STXBP2: variants seen among roughly 807,000 people sequenced by gnomAD.
STXBP2 encodes syntaxin binding protein 2, also known as syntaxin-binding protein 2.
In STXBP2, 47 loss-of-function variants were observed where a neutral mutation model predicts 72.2. The observed-to-expected ratio is 0.65, with a 90% confidence interval of 0.51 to 0.83. STXBP2 has a LOEUF of 0.83. STXBP2 is among the 40% of genes least tolerant of loss of function. STXBP2 has a pLI of 0.00. For synonymous variants in STXBP2, 367 were observed against 338.7 expected, an observed-to-expected ratio of 1.08 and a Z score of -0.92; for missense variants, 702 against 807.6, an observed-to-expected ratio of 0.87 and a Z score of 1.58.
Position 7,647,001 on chromosome 19 carries a change from A to G in STXBP2, c.1453-161A>G, listed in dbSNP as rs11882172. ...ATGGATCTAGATTTCTAGGTCCCCA[A>G]TGGACTAGAGGCCTAGACTCCTGGG... is the stretch of plus-strand genomic sequence containing the variant. On this transcript the variant is annotated intron_variant, in intron 16 of 18. Coordinates refer to ENST00000221283, the MANE Select transcript of STXBP2 (RefSeq NM_006949.4). 218 of 663,406 alleles carry G rather than the reference A, an allele frequency of 3.3e-4. 1 individual carries two copies. Among genetic ancestry groups the G allele is most frequent in the African/African-American group, 2.3e-3 (125 of 55,180 alleles). 41.1% of individuals were successfully genotyped at this position (663,406 alleles called of 1,614,324 possible).
chr19:7,636,826 C>A (rs1426448886), upstream of STXBP2: 1 of 311,328 alleles, frequency 3.2e-6, no homozygotes, highest in Non-Finnish European at 5.9e-6. Context: ...CACAGAACCT[C>A]CCGGGGAAGA....
chr19:7,639,047 G>A lies in STXBP2; in HGVS notation c.116G>A (p.Arg39His), dbSNP rs200306463. Residue 39 changes from arginine (R) to histidine (H), a missense_variant, in exon 3 of 19, where the codon CGC becomes CAC. Arg to His is a conservative substitution (Grantham distance 29). Coordinates refer to ENST00000221283, the MANE Select transcript of STXBP2 (RefSeq NM_006949.4). ...CTTATCATGGATCACCCAAGCATGC[G>A]CATCTTGTCTTCCTGCTGCAAAATG... ...KVLIMDHPSM[R>H]ILSSCCKMSD... is the part of the protein sequence containing the mutation. 4.4e-5 allele frequency: 71 copies of A among 1,614,230 alleles called. 1 individual carries two copies. The highest frequency in any genetic ancestry group is 3.0e-4 in the South Asian group (27 of 91,090).
upstream of STXBP2, among the ~76,000 whole-genome samples, chr19:7,634,586 T>C (rs1288206155): frequency 6.6e-6 from 1 of 152,246 alleles, no homozygotes; most frequent in Non-Finnish European, 1.5e-5. Flanking sequence ...CCCAGGCTAG[T>C]CTCAAACTCC....
upstream of STXBP2, among the ~76,000 whole-genome samples, chr19:7,635,421 G>C (rs763715088): frequency 1.3e-5 from 2 of 152,240 alleles, no homozygotes; most frequent in Non-Finnish European, 2.9e-5. Flanking sequence ...GGGGCAGGGT[G>C]CGGTGGCTCA....
At chr19:7,631,410 G>GGGGGGGGGGGGGGGGGGGGGGGGGGGGGT in the STXBP2 span, 1 of 821,212 alleles carries the variant, frequency 1.2e-6, no homozygotes, top group Non-Finnish European at 1.8e-6. Context: ...GGGGGGGGGT[G>GGGGGGGGGGGGGGGGGGGGGGGGGGGGGT]GTCCCGGCTC....
chr19:7,646,360 T>G lies in STXBP2; in HGVS notation c.1452+16T>G, dbSNP rs1599406652. 6.3e-7 allele frequency: 1 copy of G among 1,592,010 alleles called. No individual in the cohort carries two copies. Among genetic ancestry groups the G allele is most frequent in the Non-Finnish European group, 8.5e-7 (1 of 1,169,770 alleles). Reference sequence around the variant, plus strand: ...TGTAATGGAGGTACTGGGTGGCAGGTCAGGGTGGGGGCCAGCCCTCCGCAT... The same window carrying G: ...TGTAATGGAGGTACTGGGTGGCAGGGCAGGGTGGGGGCCAGCCCTCCGCAT... On this transcript the variant is annotated intron_variant, in intron 16 of 18. Transcript: ENST00000221283.
intron 4 of STXBP2, chr19:7,640,394 G>T (rs1458235665): frequency 3.4e-6 from 2 of 588,162 alleles, no homozygotes; most frequent in South Asian, 1.6e-5. Flanking sequence ...GTGTCTGCAT[G>T]TGTGTATATG....
At chr19:7,634,205 G>A (rs927339653), upstream of STXBP2, among the ~76,000 whole-genome samples, 21 of 152,202 alleles carry the variant, frequency 1.4e-4, no homozygotes, top group African/African-American at 4.8e-4. Context: ...ACAGAGGCAG[G>A]CGGGGAGAGG....
At chr19:7,645,336 T>C (rs1199790896) in intron 15 of STXBP2, 30 bp downstream of exon 15, 9 of 1,549,202 alleles carry the variant, frequency 5.8e-6, no homozygotes, top group Non-Finnish European at 7.9e-6. Flanking sequence ...GGGGGGACCC[T>C]GGGAGAGGGT....
At chr19:7,638,931 T>C in intron 2 of STXBP2, 88 bp from the exon 3 acceptor site, 1 of 1,578,686 alleles carries the variant, frequency 6.3e-7, no homozygotes, top group Non-Finnish European at 8.7e-7. Flanking sequence ...CCCTTGAAAC[T>C]GCCCCTCCCA....
chr19:7,639,481 G>T (rs1327201923), intron 3 of STXBP2: 2 of 589,300 alleles, frequency 3.4e-6, no homozygotes, highest in Non-Finnish European at 6.1e-6. Flanking sequence ...AGGGATAGGT[G>T]CTGAGGGAGC....
upstream of STXBP2, chr19:7,632,646 A>G: frequency 1.9e-6 from 3 of 1,564,894 alleles, no homozygotes; most frequent in Non-Finnish European, 2.6e-6. This position sits in a 1 kb window ranked among gnomAD's most constrained non-coding sequence, Gnocchi z 5.2. Flanking sequence ...CAGGCCCTCC[A>G]GATGACCACT....
upstream of STXBP2, chr19:7,632,062 A>G (rs2146195468): frequency 9.4e-6 from 5 of 533,514 alleles, no homozygotes; most frequent in Non-Finnish European, 1.6e-5. This position sits in a 1 kb window ranked among gnomAD's most constrained non-coding sequence, Gnocchi z 5.2. Context: ...GAGTATACAG[A>G]TGTATATATC....
rs778509701 is a variant in STXBP2, at chr19:7,641,008, G to A, written c.429+5G>A. 1.6e-5 allele frequency: 26 copies of A among 1,613,938 alleles called. No homozygotes were observed. The East Asian group carries it at 2.9e-4, about 18-fold the overall frequency. ...TTCCTCCCCTACGAGGCCCAGGTAC[G>A]GCCCGGGCTCATCCTGGGCAGGGGG... On this transcript the variant is annotated splice_donor_5th_base_variant and intron_variant, in intron 6 of 18. Coordinates refer to ENST00000221283, the MANE Select transcript of STXBP2 (RefSeq NM_006949.4).
chr19:7,647,265 C>G lies in STXBP2; in HGVS notation c.1538+18C>G. The G allele has an allele frequency of 6.2e-7, 1 of 1,610,366 alleles. No individual in the cohort carries two copies. On this transcript the variant is annotated intron_variant, in intron 17 of 18. Coordinates refer to ENST00000221283, the MANE Select transcript of STXBP2 (RefSeq NM_006949.4). ...GCTGTCAGGTGAGGCCCCGGGGCCGCCCCCGCCCACGCCTGGGTCTGTGTT... is the reference window on the plus strand; with the variant it reads ...GCTGTCAGGTGAGGCCCCGGGGCCGGCCCCGCCCACGCCTGGGTCTGTGTT...
upstream of STXBP2, chr19:7,633,738 G>A (rs1307727896): frequency 8.0e-5 from 39 of 490,370 alleles, no homozygotes; most frequent in Non-Finnish European, 9.8e-5. Flanking sequence ...GGGACTCTCA[G>A]GTGTGATGTC....
chr19:7,630,520 C>CCT, the STXBP2 span: 16 of 1,397,582 alleles, frequency 1.1e-5, no homozygotes, highest in South Asian at 2.0e-4. Context: ...CTCTGAGGAG[C>CCT]CTCTGCACAT....
At chr19:7,643,360 G>A in intron 13 of STXBP2, 115 bp downstream of exon 13, 1 of 1,180,790 alleles carries the variant, frequency 8.5e-7, no homozygotes, top group Non-Finnish European at 1.2e-6. Flanking sequence ...TTGTGGAGAG[G>A]TGGAGGGGCC....
rs747482928 is a variant in STXBP2, at chr19:7,647,412, C to T, written c.1597C>T (p.Arg533Trp). The change falls in exon 18 of 19, where the codon CGG becomes TGG. Residue 533 changes from arginine to tryptophan, a missense_variant. Physicochemically the swap from Arg to Trp is moderately radical, Grantham distance 101 (BLOSUM62 -3). Coordinates refer to ENST00000221283, the MANE Select transcript of STXBP2 (RefSeq NM_006949.4). ...TGGCATAGAAGCCCGGGCGGGCCCCCGGCTCATCGTGTATGTCATGGGCGG... is the reference window on the plus strand; with the variant it reads ...TGGCATAGAAGCCCGGGCGGGCCCCTGGCTCATCGTGTATGTCATGGGCGG... ...KAGIEARAGP[R>W]LIVYVMGGVA... is the part of the protein sequence containing the mutation. 41 of 1,613,574 alleles carry T rather than the reference C, an allele frequency of 2.5e-5. 1 individual carries two copies. In the South Asian group the frequency reaches 3.7e-4, roughly 15 times the overall value.
Sources: gnomAD v4.1 joint callset for allele counts (sites outside exome capture counted in the v4.1 genomes callset) on GRCh38, gnomAD v4.1.1 for gene constraint, Gnocchi (gnomAD v3.1) non-coding constraint, MANE v1.5 for transcripts, NCBI Gene and HGNC (gene_info 2026-07-23, HGNC 2026-07-21) for gene names.